The following UNC13C variants were observed in gnomAD, a reference collection of about 807,000 sequenced individuals.
The protein encoded by UNC13C is unc-13 homolog C.
A neutral mutation model predicts 245.4 loss-of-function variants in UNC13C; 174 were observed. The observed-to-expected ratio is 0.71, with a 90% CI of 0.63 to 0.80. The LOEUF (loss-of-function observed/expected upper bound fraction) is 0.80. Among genes scored for constraint, UNC13C ranks in the 30% least tolerant of loss-of-function variants. The probability of loss-of-function intolerance (pLI) is 0.00; values close to 1 mark genes in which losing one functional copy is unlikely to be tolerated. For synonymous variants in UNC13C, 992 were observed against 895.1 expected (o/e 1.11, Z -1.93); for missense variants, 2,829 against 2,602.9 (o/e 1.09, Z -1.89).
intron 2 of UNC13C, among the ~76,000 whole-genome samples, chr15:54,125,136 A>G (rs926427209): frequency 6.6e-6 from 1 of 152,098 alleles, no homozygotes; most frequent in East Asian, 1.9e-4. Context: ...ATCTTTCCAT[A>G]TAAGTTTCGG....
intron 17 of UNC13C, among the ~76,000 whole-genome samples, chr15:54,378,005 AT>A (rs375536702): frequency 8.7e-5 from 13 of 149,604 alleles, no homozygotes; most frequent in Admixed American, 1.3e-4. Context: ...ACAGTATGGG[AT>A]TTTTTTTTTG....
At chr15:54,112,098 A>T (rs1191457058) in intron 2 of UNC13C, among the ~76,000 whole-genome samples, 1 of 152,128 alleles carries the variant, frequency 6.6e-6, no homozygotes, top group African/African-American at 2.4e-5. Context: ...TCTTGTTAAA[A>T]TTCTACTTTC....
At chr15:54,243,694 T>C in intron 7 of UNC13C, among the ~76,000 whole-genome samples, 1 of 152,246 alleles carries the variant, frequency 6.6e-6, no homozygotes, top group Admixed American at 6.5e-5. Context: ...AAGCATCTAA[T>C]TGTGGTTTTG....
At chr15:54,607,036 A>G (rs958527362) in intron 30 of UNC13C, among the ~76,000 whole-genome samples, 32 of 152,004 alleles carry the variant, frequency 2.1e-4, no homozygotes, top group Non-Finnish European at 3.2e-4. Context: ...GTTTTGTGGG[A>G]AAAAAAATTG....
At chr15:54,182,289 G>C (rs893204787) in intron 4 of UNC13C, among the ~76,000 whole-genome samples, 3 of 151,874 alleles carry the variant, frequency 2.0e-5, no homozygotes, top group Non-Finnish European at 4.4e-5. Flanking sequence ...CTATTGAGAC[G>C]ATCATATGAT....
intron 19 of UNC13C, among the ~76,000 whole-genome samples, chr15:54,484,082 G>GA (rs34344522): frequency 0.36 from 53,408 of 149,944 alleles, 9,851 homozygotes; most frequent in Middle Eastern, 0.45. Flanking sequence ...TGGCTTCCCT[G>GA]AAAAAAAAAA....
chr15:54,584,970 A>G (rs1190538957), intron 30 of UNC13C, among the ~76,000 whole-genome samples: 3 of 152,250 alleles, frequency 2.0e-5, no homozygotes, highest in Non-Finnish European at 2.9e-5. Context: ...AAGTGATGCT[A>G]TGGCCATTTG....
chr15:54,109,169 C>A (rs1378429759), intron 2 of UNC13C, among the ~76,000 whole-genome samples: 2 of 151,998 alleles, frequency 1.3e-5, no homozygotes, highest in Non-Finnish European at 2.9e-5. Flanking sequence ...TAGTGCTTTA[C>A]AAAGCTGAAG....
intron 19 of UNC13C, among the ~76,000 whole-genome samples, chr15:54,452,602 C>G (rs1891241088): frequency 6.6e-6 from 1 of 152,184 alleles, no homozygotes; most frequent in African/African-American, 2.4e-5. Context: ...TGGAGAAAGC[C>G]AGGTTGGGAA....
chr15:54,100,492 T>C (rs920223688), intron 2 of UNC13C, among the ~76,000 whole-genome samples: 1 of 152,170 alleles, frequency 6.6e-6, no homozygotes, highest in African/African-American at 2.4e-5. Flanking sequence ...TTTCAGGCCT[T>C]TGACCTGGGC....
At chr15:54,569,133 T>G (rs1897639749) in intron 30 of UNC13C, among the ~76,000 whole-genome samples, 1 of 152,150 alleles carries the variant, frequency 6.6e-6, no homozygotes, top group Non-Finnish European at 1.5e-5. Context: ...TGTTGTAGCT[T>G]TACTCCAAGA....
At chr15:54,118,247 C>G (rs994309532) in intron 2 of UNC13C, among the ~76,000 whole-genome samples, 6 of 151,972 alleles carry the variant, frequency 3.9e-5, no homozygotes, top group Admixed American at 2.6e-4. Flanking sequence ...TCTTTGGGTA[C>G]TATATTCATT....
At chr15:54,063,919 C>A (rs921848666) in intron 2 of UNC13C, among the ~76,000 whole-genome samples, 2 of 152,108 alleles carry the variant, frequency 1.3e-5, no homozygotes, top group Non-Finnish European at 2.9e-5. Flanking sequence ...GCACAAAGGA[C>A]AATAGGAGTT....
chr15:54,192,245 T>C (rs1206468530), intron 4 of UNC13C, among the ~76,000 whole-genome samples: 2 of 152,186 alleles, frequency 1.3e-5, no homozygotes, highest in East Asian at 1.9e-4. Flanking sequence ...GGAATATTCT[T>C]TCTTGTCATT....
intron 4 of UNC13C, among the ~76,000 whole-genome samples, chr15:54,222,894 T>C (rs1331713172): frequency 2.6e-5 from 4 of 152,292 alleles, no homozygotes; most frequent in Admixed American, 2.0e-4. Context: ...TATGTCTTCA[T>C]TGAGAAATGT....
Position 54,014,217 on chromosome 15 carries a change from G to A in UNC13C, c.1314G>A (p.Glu438=). 6.2e-7 allele frequency: 1 copy of A among 1,613,826 alleles called. No individual in the cohort carries two copies. Among genetic ancestry groups the A allele is most frequent in the Non-Finnish European group, 8.5e-7 (1 of 1,179,814 alleles). The change falls in exon 2 of 33, where the codon GAG becomes GAA. Residue 438 remains glutamate (E), a synonymous_variant. Transcript: ENST00000260323. ...TGGCTATAAAGTTGTCTACTCCAGA[G>A]CCAAAAATCAAGAAGAACAATTGGC... The part of the protein sequence containing the change: ...ESMAIKLSTP[E]PKIKKNNWQS...
intron 4 of UNC13C, among the ~76,000 whole-genome samples, chr15:54,185,927 G>C (rs1252229567): frequency 1.3e-5 from 2 of 151,514 alleles, no homozygotes; most frequent in African/African-American, 4.9e-5. Context: ...CCATTTGTTT[G>C]TATCCTCTTT....
chr15:53,942,274 C>T, the UNC13C span, among the ~76,000 whole-genome samples: 1 of 152,154 alleles, frequency 6.6e-6, no homozygotes, highest in African/African-American at 2.4e-5. Context: ...GAGCTAGAAG[C>T]TGTTATCCTC....
At chr15:54,589,289 CTTTTTTTTTTTTT>C (rs71105821) in intron 30 of UNC13C, among the ~76,000 whole-genome samples, 1 of 53,486 alleles carries the variant, frequency 1.9e-5, no homozygotes, top group African/African-American at 6.8e-5. Context: ...TCTTCTTCTT[CTTTTTTTTTTTTT>C]TTTTTTTTTT....
Sources: gnomAD v4.1 joint callset for allele counts (sites outside exome capture counted in the v4.1 genomes callset) on GRCh38, gnomAD v4.1.1 for gene constraint, MANE v1.5 for transcripts, NCBI Gene and HGNC (gene_info 2026-07-23, HGNC 2026-07-21) for gene names.